PLEKHO2: variants seen among roughly 807,000 people sequenced by gnomAD.
The protein encoded by PLEKHO2 is pleckstrin homology domain-containing family O member 2.
In PLEKHO2, 20 loss-of-function variants were observed where a neutral mutation model predicts 32.7. The ratio of observed to expected loss-of-function variants is 0.61; its 90% confidence interval spans 0.43 to 0.89. The LOEUF is 0.89. PLEKHO2 is among the 40% of genes least tolerant of loss of function. The pLI is 0.00. For synonymous variants in PLEKHO2, 247 were observed against 246.3 expected (o/e 1.00, Z -0.03); for missense variants, 568 against 621.2 (o/e 0.91, Z 0.91).
In PLEKHO2 at chr15:64,859,987, G is replaced by C. The variant is rs1302974435; in HGVS notation, c.373G>C (p.Ala125Pro). 1 of 1,613,954 alleles carries C rather than the reference G, an allele frequency of 6.2e-7. No individual in the cohort carries two copies. Among genetic ancestry groups the C allele is most frequent in the Non-Finnish European group, 8.5e-7 (1 of 1,179,934 alleles). ...AGGGATTAACCGAGGCAAAAACAAG[G>C]CTTTCGATGAGGTGCGATGCAGTCT... ...NEGINRGKNK[A>P]FDEVKVDKSC... The change falls in exon 4 of 6, where the codon GCT (alanine) becomes CCT (proline). Residue 125 changes from alanine (A) to proline (P), a missense_variant. By Grantham distance (27) the Ala-to-Pro change is conservative. Coordinates refer to ENST00000323544, the MANE Select transcript of PLEKHO2 (RefSeq NM_025201.5).
In PLEKHO2 at chr15:64,865,609, C is replaced by T; in HGVS notation, c.1194C>T (p.Gly398=). ...CCCTTGGGGACTTGCTTGGGGAAGG[C>T]CCGCGGCATCCCTTGCAGCCCAGGG... is the stretch of plus-strand genomic sequence containing the variant. ...CSSLGDLLGE[G]PRHPLQPRER... The change falls in exon 6 of 6, where the codon GGC becomes GGT. Residue 398 remains glycine (G), a synonymous_variant. Transcript: ENST00000323544. 1.9e-6 allele frequency: 3 copies of T among 1,614,224 alleles called. No individual in the cohort carries two copies. In the Middle Eastern group the frequency reaches 4.9e-4, roughly 266 times the overall value.
rs2084683211 is a variant in PLEKHO2, at chr15:64,865,929, T to C, written c.*41T>C. On this transcript the variant is annotated 3_prime_UTR_variant, in exon 6 of 6. Coordinates refer to ENST00000323544, the MANE Select transcript of PLEKHO2 (RefSeq NM_025201.5). ...AGGCACCATCCCTTCTGGCCATCCA[T>C]CAAGTCCATCAAGGCCCAGCCCTGC... 2 of 1,564,302 alleles carry C rather than the reference T, an allele frequency of 1.3e-6. No individual in the cohort carries two copies. Among genetic ancestry groups the C allele is most frequent in the Non-Finnish European group, 8.6e-7 (1 of 1,160,004 alleles).
intron 3 of PLEKHO2, among the ~76,000 whole-genome samples, chr15:64,856,845 C>A (rs1277592829): frequency 6.6e-6 from 1 of 152,230 alleles, no homozygotes; most frequent in Non-Finnish European, 1.5e-5. Flanking sequence ...CATCCTCTCA[C>A]CCTCCTTTCT....
At chr15:64,857,613 A>C (rs1350092560) in intron 3 of PLEKHO2, among the ~76,000 whole-genome samples, 1 of 152,166 alleles carries the variant, frequency 6.6e-6, no homozygotes, top group Non-Finnish European at 1.5e-5. Context: ...TGGCTCGTTC[A>C]GCCAGATACA....
intron 1 of PLEKHO2, among the ~76,000 whole-genome samples, chr15:64,845,024 G>A (rs1204190460): frequency 6.6e-6 from 1 of 152,188 alleles, no homozygotes; most frequent in African/African-American, 2.4e-5. Context: ...CCCGGCACAG[G>A]ACTCTGACAC....
chr15:64,862,214 G>C (rs1279763518), intron 5 of PLEKHO2, among the ~76,000 whole-genome samples: 2 of 152,154 alleles, frequency 1.3e-5, no homozygotes, highest in African/African-American at 4.8e-5. Flanking sequence ...GGAAGGGAGA[G>C]TGCGTTTCAG....
Position 64,867,887 on chromosome 15 carries a change from G to A in PLEKHO2, c.*1999G>A, listed in dbSNP as rs1488359873. The A allele has an allele frequency of 1.3e-5, 2 of 152,238 alleles. No individual in the cohort carries two copies. Among genetic ancestry groups the A allele is most frequent in the Non-Finnish European group, 2.9e-5 (2 of 68,048 alleles). The allele number at this position is 152,238 out of a possible 1,614,324, so 9.4% of individuals were successfully genotyped here. A position where few individuals can be genotyped will look rare whatever the true frequency, so the allele number is the denominator to read the frequency against. On this transcript the variant is annotated 3_prime_UTR_variant, in exon 6 of 6. Coordinates refer to ENST00000323544, the MANE Select transcript of PLEKHO2 (RefSeq NM_025201.5). ...AGAACGTGCAGGGCCTGCCTAGCTT[G>A]CGTGCTTGAGGAAGGTGGCATTCCG...
Position 64,860,762 on chromosome 15 carries a change from C to T in PLEKHO2, c.385-715C>T, listed in dbSNP as rs534748736. Among the ~76,000 whole-genome samples the T allele has an allele frequency of 1.8e-3, 267 of 152,322 alleles. 1 individual carries two copies. Among genetic ancestry groups the T allele is most frequent in the African/African-American group, 5.9e-3 (245 of 41,572 alleles). Reference sequence around the variant, plus strand: ...TCACTACCTAGGGGAAAAGTGTCCCCGTTCCACGGGAGAGGGATGATGGGA... The same window carrying T: ...TCACTACCTAGGGGAAAAGTGTCCCTGTTCCACGGGAGAGGGATGATGGGA... On this transcript the variant is annotated intron_variant, in intron 4 of 5. Coordinates refer to ENST00000323544, the MANE Select transcript of PLEKHO2 (RefSeq NM_025201.5).
chr15:64,851,907 C>A (rs1448481543), intron 2 of PLEKHO2, among the ~76,000 whole-genome samples: 1 of 152,186 alleles, frequency 6.6e-6, no homozygotes, highest in African/African-American at 2.4e-5. Flanking sequence ...CTTCCCCGGG[C>A]AGTTTCCCTG....
chr15:64,855,177 A>T (rs1404707680), intron 3 of PLEKHO2, 140 bp downstream of exon 3: 1 of 646,090 alleles, frequency 1.5e-6, no homozygotes, highest in Admixed American at 2.5e-5. Context: ...CCTAGCAGCC[A>T]CCATAGGTCA....
chr15:64,845,391 C>T (rs72757645), intron 1 of PLEKHO2, among the ~76,000 whole-genome samples: 2,740 of 151,960 alleles, frequency 0.018, 55 homozygotes, highest in South Asian at 0.03. Flanking sequence ...GGCCGAGAAA[C>T]TGGGCTGAGC....
intron 1 of PLEKHO2, among the ~76,000 whole-genome samples, chr15:64,842,672 G>A (rs1334776385): frequency 2.0e-5 from 3 of 152,168 alleles, no homozygotes; most frequent in South Asian, 2.1e-4. Flanking sequence ...GGAAGGAATC[G>A]GGAGTCCGGC....
intron 3 of PLEKHO2, among the ~76,000 whole-genome samples, chr15:64,858,475 A>G (rs542536432): frequency 1.3e-5 from 2 of 152,330 alleles, no homozygotes; most frequent in Admixed American, 6.5e-5. Context: ...CAGTGGTCCA[A>G]AAATGGTGAG....
At chr15:64,862,934 CA>C (rs1434353692) in intron 5 of PLEKHO2, among the ~76,000 whole-genome samples, 4 of 147,048 alleles carry the variant, frequency 2.7e-5, no homozygotes, top group Non-Finnish European at 5.9e-5. Context: ...CCTCTCCCCC[CA>C]CCTCTTTTTT....
Position 64,842,015 on chromosome 15 carries a change from CCATGG to C in PLEKHO2, c.-1_4del. 8.0e-7 allele frequency: 1 copy of C among 1,244,286 alleles called. No homozygotes were observed. The highest frequency in any genetic ancestry group is 1.0e-6 in the Non-Finnish European group (1 of 994,578). The allele number at this position is 1,244,286 out of a possible 1,614,324, so 77.1% of individuals were successfully genotyped here. ...GAGCGGCGGGACCTCGGCGGACTCG[CCATGG>C]AGGAGGAGGTGAGGGCGGGGCCCGG... On this transcript the variant is annotated start_lost and 5_prime_UTR_variant, in exon 1 of 6. Coordinates refer to ENST00000323544, the MANE Select transcript of PLEKHO2 (RefSeq NM_025201.5).
chr15:64,851,398 A>C (rs1475608909), intron 2 of PLEKHO2, among the ~76,000 whole-genome samples: 1 of 152,218 alleles, frequency 6.6e-6, no homozygotes. Flanking sequence ...GCTGGGAAGC[A>C]GGAAGGATTT....
chr15:64,850,549 C>G (rs1305309775), intron 2 of PLEKHO2, among the ~76,000 whole-genome samples: 1 of 152,200 alleles, frequency 6.6e-6, no homozygotes, highest in Non-Finnish European at 1.5e-5. Flanking sequence ...TCTCTAGATG[C>G]ACAGGGGTAA....
In PLEKHO2 at chr15:64,867,742, CCTGGGGCCTGGTGGGTAGGCAAGTAGCT is replaced by C; in HGVS notation, c.*1863_*1890del. ...CACAGGTTGAGGCCCAGCCACTCTC[CCTGGGGCCTGGTGGGTAGGCAAGTAGCT>C]CTGGGGCCACCTCAAGTGACCAAAT... On this transcript the variant is annotated 3_prime_UTR_variant, in exon 6 of 6. Coordinates refer to ENST00000323544, the MANE Select transcript of PLEKHO2 (RefSeq NM_025201.5). 6.6e-6 allele frequency: 1 copy of C among 152,392 alleles called. No homozygotes were observed. The highest frequency in any genetic ancestry group is 1.9e-4 in the East Asian group (1 of 5,192). 9.4% of individuals were successfully genotyped at this position (152,392 alleles called of 1,614,324 possible).
chr15:64,842,910 G>A (rs1433494812), intron 1 of PLEKHO2, among the ~76,000 whole-genome samples: 2 of 152,246 alleles, frequency 1.3e-5, no homozygotes, highest in African/African-American at 2.4e-5. Context: ...AAGTTAAAAT[G>A]AGGGGCCTGT....
Sources: allele counts gnomAD v4.1 joint callset (sites outside exome capture counted in the v4.1 genomes callset), GRCh38; gene constraint gnomAD v4.1.1; transcripts MANE v1.5; gene names NCBI Gene and HGNC (gene_info 2026-07-23, HGNC 2026-07-21).